FGF12: variants seen among roughly 807,000 people sequenced by gnomAD.
FGF12 encodes the protein fibroblast growth factor 12, also known as fibroblast growth factor 12B.
Under a neutral mutation model 23.6 loss-of-function variants are expected in FGF12, and 14 were observed. That is an observed-to-expected ratio of 0.59 (90% CI 0.39 to 0.93). The LOEUF is 0.93. FGF12 is among the 40% of genes least tolerant of loss of function. FGF12 has a pLI of 0.00. For missense variants in FGF12, 175 were observed against 217.8 expected (o/e 0.80, Z 1.24); for synonymous variants, 62 against 77.3 (o/e 0.80, Z 1.04).
chr3:192,211,685 C>T (rs1370371713), intron 4 of FGF12, among the ~76,000 whole-genome samples: 1 of 152,032 alleles, frequency 6.6e-6, no homozygotes, highest in African/African-American at 2.4e-5. Context: ...CCTCAACCTC[C>T]CAAAGTGCTG....
chr3:192,551,090 G>A (rs1227999372), intron 2 of FGF12, among the ~76,000 whole-genome samples: 2 of 151,930 alleles, frequency 1.3e-5, no homozygotes, highest in African/African-American at 4.8e-5. Flanking sequence ...TATAAAACTG[G>A]GTCAAAAACT....
Position 192,185,713 on chromosome 3 carries a change from A to C in FGF12, c.229-15057T>G, listed in dbSNP as rs12638538. ...CATCTCTACTAAAAATACAAAAATT[A>C]GCCAGGCATGGTGGTGGGTGCCTGT... is the stretch of plus-strand genomic sequence containing the variant. On this transcript the variant is annotated intron_variant, in intron 4 of 5. Transcript: ENST00000445105. Among the ~76,000 whole-genome samples the C allele has an allele frequency of 0.02, 2,983 of 152,178 alleles. 243 individuals carry two copies. In the East Asian group the frequency reaches 0.26, roughly 13 times the overall value.
intron 2 of FGF12, among the ~76,000 whole-genome samples, chr3:192,523,757 A>G (rs1461467083): frequency 1.3e-5 from 2 of 152,202 alleles, no homozygotes; most frequent in Non-Finnish European, 2.9e-5. Context: ...TGGACTCACT[A>G]TCTCATAGGG....
chr3:192,433,211 A>C (rs1275717783), intron 2 of FGF12, among the ~76,000 whole-genome samples: 1 of 152,200 alleles, frequency 6.6e-6, no homozygotes, highest in Non-Finnish European at 1.5e-5. Context: ...ACAGTACTTT[A>C]GATATAGAAT....
rs1201483628 is a variant in FGF12 at position 192,452,755 on chromosome 3, G to C, written c.14-92217C>G. Among the ~76,000 whole-genome samples, 4 of 152,164 alleles carry C rather than the reference G, an allele frequency of 2.6e-5. No individual in the cohort carries two copies. The East Asian group carries it at 5.8e-4, about 22-fold the overall frequency. ...GTCAAAATGTGGACAGTATTGCTCC[G>C]GTCTTTCAGCTTCCATTTTTTAGAA... is the stretch of plus-strand genomic sequence containing the variant. On this transcript the variant is annotated intron_variant, in intron 2 of 5. Coordinates refer to ENST00000445105, the MANE Select transcript of FGF12 (RefSeq NM_004113.6).
At position 192,143,834 on chromosome 3, in the gene FGF12, G is replaced by T; in HGVS notation, c.*175C>A. On this transcript the variant is annotated 3_prime_UTR_variant, in exon 6 of 6. Coordinates refer to ENST00000445105, the MANE Select transcript of FGF12 (RefSeq NM_004113.6). ...ACCACATTGCAACAAGCAAGCTTTG[G>T]TTCAATTTTCTTGTCCTACACAAAG... The T allele has an allele frequency of 1.9e-6, 1 of 522,024 alleles. No homozygotes were observed. The highest frequency in any genetic ancestry group is 3.4e-6 in the Non-Finnish European group (1 of 293,262). The allele number at this position is 522,024 out of a possible 1,614,324, so 32.3% of individuals were successfully genotyped here. A position where few individuals can be genotyped will look rare whatever the true frequency, so the allele number is the denominator to read the frequency against.
At chr3:192,417,584 G>C (rs1218836557) in intron 2 of FGF12, among the ~76,000 whole-genome samples, 1 of 152,078 alleles carries the variant, frequency 6.6e-6, no homozygotes, top group Non-Finnish European at 1.5e-5. Flanking sequence ...CAAAACCCTA[G>C]GCATGCTTTT....
At chr3:192,526,173 C>A (rs372902705) in intron 2 of FGF12, among the ~76,000 whole-genome samples, 2 of 152,276 alleles carry the variant, frequency 1.3e-5, no homozygotes, top group East Asian at 3.9e-4. Context: ...TTCACACCAA[C>A]CCTTCAAAAA....
At chr3:192,476,548 T>A (rs1376390176) in intron 2 of FGF12, among the ~76,000 whole-genome samples, 2 of 152,234 alleles carry the variant, frequency 1.3e-5, no homozygotes, top group African/African-American at 4.8e-5. Flanking sequence ...ATATGCCCCC[T>A]GTTTATTTTG....
chr3:192,163,290 C>G (rs1271908757), intron 5 of FGF12, among the ~76,000 whole-genome samples: 1 of 152,068 alleles, frequency 6.6e-6, no homozygotes, highest in Non-Finnish European at 1.5e-5. Flanking sequence ...TTAGGTTGCT[C>G]TAAGAGGTGT....
intron 4 of FGF12, chr3:192,267,032 C>T (rs1340314984): frequency 6.6e-6 from 1 of 152,146 alleles, no homozygotes; most frequent in Non-Finnish European, 1.5e-5. Context: ...TCAGATGTTT[C>T]ATGCTAATTT....
At chr3:192,488,958 T>C (rs116348983) in intron 2 of FGF12, among the ~76,000 whole-genome samples, 272 of 152,138 alleles carry the variant, frequency 1.8e-3, no homozygotes, top group Middle Eastern at 3.4e-3. Flanking sequence ...AAAGACCAAA[T>C]TGGGGCTATT....
chr3:192,254,609 AC>A (rs1331063498), intron 4 of FGF12, among the ~76,000 whole-genome samples: 4 of 152,068 alleles, frequency 2.6e-5, no homozygotes, highest in Non-Finnish European at 5.9e-5. Context: ...ATACTGGACT[AC>A]TAATAATCTG....
intron 3 of FGF12, among the ~76,000 whole-genome samples, chr3:192,358,525 T>C (rs981287947): frequency 5.9e-5 from 9 of 152,096 alleles, no homozygotes; most frequent in African/African-American, 1.4e-4. Context: ...AATGACATTA[T>C]GCTAAGATAT....
intron 5 of FGF12, among the ~76,000 whole-genome samples, chr3:192,167,163 CA>C (rs35097529): frequency 0.44 from 47,035 of 108,024 alleles, 8,606 homozygotes; most frequent in Middle Eastern, 0.55. Context: ...ATATGGCTAT[CA>C]AAAAAAAAAA....
chr3:192,223,178 C>G (rs968695928), intron 4 of FGF12, among the ~76,000 whole-genome samples: 3 of 152,136 alleles, frequency 2.0e-5, no homozygotes, highest in Non-Finnish European at 4.4e-5. Flanking sequence ...CGCCTGAACA[C>G]TGAATATTAC....
chr3:192,503,799 G>A (rs1003312242), intron 2 of FGF12, among the ~76,000 whole-genome samples: 3 of 151,682 alleles, frequency 2.0e-5, no homozygotes, highest in East Asian at 1.9e-4. Context: ...GTAGAGACGG[G>A]GTTTCACTGT....
intron 4 of FGF12, among the ~76,000 whole-genome samples, chr3:192,204,772 G>A (rs1717557668): frequency 6.6e-6 from 1 of 152,124 alleles, no homozygotes; most frequent in Non-Finnish European, 1.5e-5. Context: ...TGTAGCCTCA[G>A]CTACTTAGGA....
rs9868764 is a variant in FGF12, at chr3:192,442,961, C to T, written c.14-82423G>A. Among the ~76,000 whole-genome samples the T allele has an allele frequency of 8.9e-3, 1,352 of 152,164 alleles. 19 individuals are homozygous for T. The highest frequency in any genetic ancestry group is 0.03 in the African/African-American group (1,238 of 41,506). On this transcript the variant is annotated intron_variant, in intron 2 of 5. Coordinates refer to ENST00000445105, the MANE Select transcript of FGF12 (RefSeq NM_004113.6). ...TAGCTGGGATTACAGGTGCCTGCCA[C>T]CATGCCCGGCTAATTTTTTGTATTT...
Sources: allele counts gnomAD v4.1 joint callset (sites outside exome capture counted in the v4.1 genomes callset), GRCh38; gene constraint gnomAD v4.1.1; transcripts MANE v1.5; gene names NCBI Gene and HGNC (gene_info 2026-07-23, HGNC 2026-07-21).